CWH43: variants seen among roughly 807,000 people sequenced by gnomAD.
The protein encoded by CWH43 is PGAP2-interacting protein.
In CWH43, 91 loss-of-function variants were observed where a neutral mutation model predicts 85.7. The ratio of observed to expected loss-of-function variants is 1.06; its 90% CI spans 0.90 to 1.26. The LOEUF is 1.26. Among genes scored for constraint, CWH43 ranks in the 50% most tolerant of loss-of-function variants. The pLI, the probability that CWH43 is intolerant of heterozygous loss-of-function variation, is 0.00. For synonymous variants in CWH43, 323 were observed against 293.6 expected (o/e 1.10, Z -1.02); for missense variants, 869 against 839.2 (o/e 1.04, Z -0.44).
At chr4:49,024,923 C>T (rs1010840367) in intron 9 of CWH43, among the ~76,000 whole-genome samples, 2 of 152,066 alleles carry the variant, frequency 1.3e-5, no homozygotes, top group African/African-American at 4.8e-5. Flanking sequence ...GGAAGTTCTC[C>T]TCAATTATTC....
Position 48,994,725 on chromosome 4 carries a change from G to A in CWH43, c.618G>A (p.Val206=). ...CAGGGGCTGCTTTTGGTAGCCTTGT[G>A]TTCCTCACCCACTGGGTTTTTGGAG... ...LLAGAAFGSL[V]FLTHWVFGEV... Residue 206 remains valine, a synonymous_variant, in exon 5 of 16, where the codon GTG becomes GTA. Coordinates refer to ENST00000226432, the MANE Select transcript of CWH43 (RefSeq NM_025087.3). 6.2e-7 allele frequency: 1 copy of A among 1,614,208 alleles called. No individual in the cohort carries two copies. The highest frequency in any genetic ancestry group is 8.5e-7 in the Non-Finnish European group (1 of 1,180,048).
At position 49,050,784 on chromosome 4, in the gene CWH43, T is replaced by C. The variant is rs1315873351; in HGVS notation, c.1956T>C (p.Tyr652=). ...GGATCCCTGATGACCCCACTAATTA[T>C]AGAGACAACCAGAAAGTGGTCATAG... ...KFRIPDDPTN[Y]RDNQKVVIDH... is the part of the protein sequence containing the mutation. The change falls in exon 15 of 16, where the codon TAT becomes TAC. Residue 652 remains tyrosine, a synonymous_variant. Coordinates refer to ENST00000226432, the MANE Select transcript of CWH43 (RefSeq NM_025087.3). 2 of 1,612,404 alleles carry C rather than the reference T, an allele frequency of 1.2e-6. No individual in the cohort carries two copies. The highest frequency in any genetic ancestry group is 1.3e-5 in the African/African-American group (1 of 74,980).
Position 49,030,886 on chromosome 4 carries a change from C to T in CWH43, c.1434C>T (p.Asp478=). 2 of 1,610,888 alleles carry T rather than the reference C, an allele frequency of 1.2e-6. No homozygotes were observed. Among genetic ancestry groups the T allele is most frequent in the Non-Finnish European group, 8.5e-7 (1 of 1,178,754 alleles). Residue 478 remains aspartate (D), a synonymous_variant, in exon 11 of 16, where the codon GAC becomes GAT. Coordinates refer to ENST00000226432, the MANE Select transcript of CWH43 (RefSeq NM_025087.3). Reference sequence around the variant, plus strand: ...CTAAGCCCTATATGGGGAACAATGACTTAACCATGTGGCTAGGGGAAAAGT... The same window carrying T: ...CTAAGCCCTATATGGGGAACAATGATTTAACCATGTGGCTAGGGGAAAAGT... ...DASKPYMGNN[D]LTMWLGEKLG...
intron 11 of CWH43, among the ~76,000 whole-genome samples, chr4:49,031,905 G>C (rs1402423521): frequency 6.6e-6 from 1 of 152,210 alleles, no homozygotes; most frequent in African/African-American, 2.4e-5. Flanking sequence ...GAGACCTTTA[G>C]GTTTGTGCTA....
intron 9 of CWH43, among the ~76,000 whole-genome samples, chr4:49,027,837 C>T (rs1215694776): frequency 6.6e-6 from 1 of 152,130 alleles, no homozygotes; most frequent in South Asian, 2.1e-4. Context: ...GAGTTCCCCA[C>T]TACCCTAGTA....
chr4:49,059,265 G>C (rs1261062630), intron 15 of CWH43, among the ~76,000 whole-genome samples: 1 of 152,014 alleles, frequency 6.6e-6, no homozygotes, highest in Non-Finnish European at 1.5e-5. Context: ...TTTCAGTTTA[G>C]TTATGATGTT....
intron 9 of CWH43, 137 bp from the exon 10 acceptor site, chr4:49,028,492 G>A: frequency 1.7e-6 from 1 of 588,674 alleles, no homozygotes. Flanking sequence ...TATTTTCATG[G>A]ATTAAATGTG....
Position 48,988,460 on chromosome 4 carries a change from T to A in CWH43, c.44-17T>A. 1 of 62,254 alleles carries A rather than the reference T, an allele frequency of 1.6e-5. No homozygotes were observed. Among genetic ancestry groups the A allele is most frequent in the Non-Finnish European group, 4.2e-5 (1 of 23,752 alleles). 3.9% of individuals were successfully genotyped at this position (62,254 alleles called of 1,614,324 possible). A position where few individuals can be genotyped will look rare whatever the true frequency, so the allele number is the denominator to read the frequency against. The stretch of plus-strand genomic sequence containing the variant: ...TGAAGTTACACTTTCTCTCTTTAAC[T>A]TTTTTTTTTTTTGTAGGATGTGTTT... On this transcript the variant is annotated splice_polypyrimidine_tract_variant and intron_variant, in intron 1 of 15. Transcript: ENST00000226432.
intron 8 of CWH43, 129 bp from the exon 9 acceptor site, chr4:49,017,120 A>T: frequency 1.3e-6 from 1 of 789,018 alleles, no homozygotes; most frequent in Non-Finnish European, 2.2e-6. Flanking sequence ...TTCATCTTCC[A>T]GGTCCTCCAA....
At chr4:48,997,797 TA>T (rs1384306402) in intron 5 of CWH43, among the ~76,000 whole-genome samples, 6 of 152,204 alleles carry the variant, frequency 3.9e-5, no homozygotes, top group Non-Finnish European at 5.9e-5. Context: ...GAATAATAAT[TA>T]CAGGGGAAAA....
At chr4:49,005,072 A>G (rs1315376356) in intron 7 of CWH43, among the ~76,000 whole-genome samples, 1 of 152,168 alleles carries the variant, frequency 6.6e-6, no homozygotes, top group Non-Finnish European at 1.5e-5. Flanking sequence ...TTAATAAGGG[A>G]TCTACTTGTT....
At chr4:49,013,791 C>A (rs1783444178) in intron 8 of CWH43, among the ~76,000 whole-genome samples, 1 of 152,114 alleles carries the variant, frequency 6.6e-6, no homozygotes, top group African/African-American at 2.4e-5. Context: ...TACTCCATTT[C>A]TTGTTTTCCT....
At chr4:49,045,921 T>C (rs1295865625) in intron 14 of CWH43, among the ~76,000 whole-genome samples, 1 of 152,092 alleles carries the variant, frequency 6.6e-6, no homozygotes, top group Non-Finnish European at 1.5e-5. Context: ...TAGTACATTG[T>C]TGTAACCTAC....
rs543253772 is a variant in CWH43, at chr4:49,061,930, G to GA, written c.*47dup. 1.6e-6 allele frequency: 2 copies of GA among 1,273,692 alleles called. No individual in the cohort carries two copies. Among genetic ancestry groups the GA allele is most frequent in the African/African-American group, 3.0e-5 (2 of 65,862 alleles). The allele number at this position is 1,273,692 out of a possible 1,614,324, so 78.9% of individuals were successfully genotyped here. On this transcript the variant is annotated 3_prime_UTR_variant, in exon 16 of 16. Transcript: ENST00000226432. Reference sequence around the variant, plus strand: ...GAAGTTATTGGCTGGGAAAATCTAAGAAAAAAAGTATGTAAGATAAAAAGA... The same window carrying GA: ...GAAGTTATTGGCTGGGAAAATCTAAGAAAAAAAAGTATGTAAGATAAAAAGA...
At chr4:49,017,837 ATT>A (rs745640613) in intron 9 of CWH43, among the ~76,000 whole-genome samples, 12 of 142,396 alleles carry the variant, frequency 8.4e-5, no homozygotes, top group Admixed American at 1.4e-4. Context: ...GGTGCTACAC[ATT>A]TTTTTTTTTT....
intron 6 of CWH43, among the ~76,000 whole-genome samples, chr4:49,002,485 G>A (rs891494824): frequency 2.6e-5 from 4 of 152,120 alleles, no homozygotes; most frequent in African/African-American, 9.7e-5. Context: ...AAATACTTCT[G>A]TATATACACA....
intron 8 of CWH43, among the ~76,000 whole-genome samples, chr4:49,011,559 G>A (rs1454965643): frequency 6.6e-6 from 1 of 152,066 alleles, no homozygotes; most frequent in African/African-American, 2.4e-5. Flanking sequence ...TCATAGCATC[G>A]ACGGTCCTTA....
At chr4:49,018,384 T>A (rs1322774011) in intron 9 of CWH43, among the ~76,000 whole-genome samples, 2 of 152,146 alleles carry the variant, frequency 1.3e-5, no homozygotes, top group African/African-American at 4.8e-5. Context: ...CATGTCACTA[T>A]GAAATAAGCA....
chr4:49,019,884 T>C (rs1236609938), intron 9 of CWH43, among the ~76,000 whole-genome samples: 1 of 152,088 alleles, frequency 6.6e-6, no homozygotes, highest in Non-Finnish European at 1.5e-5. Context: ...CTAGCCATTG[T>C]CAATTGTTTT....
Sources: gnomAD v4.1 joint callset for allele counts (sites outside exome capture counted in the v4.1 genomes callset) on GRCh38, gnomAD v4.1.1 for gene constraint, MANE v1.5 for transcripts, NCBI Gene and HGNC (gene_info 2026-07-23, HGNC 2026-07-21) for gene names.